The following CCSER1 variants were observed in gnomAD, a reference collection of about 807,000 sequenced individuals.
CCSER1 encodes the protein serine-rich coiled-coil domain-containing protein 1.
Under a neutral mutation model 82.0 loss-of-function variants are expected in CCSER1, and 41 were observed. The ratio of observed to expected loss-of-function variants is 0.50; its 90% CI spans 0.39 to 0.65. The LOEUF is 0.65. Ranked by LOEUF, CCSER1 falls within the 30% of genes least tolerant of loss-of-function variation. The pLI is 0.00. For synonymous variants in CCSER1, 414 were observed against 383.9 expected, an observed-to-expected ratio of 1.08 and a Z score of -0.92; for missense variants, 1,119 against 1,064.2, an observed-to-expected ratio of 1.05 and a Z score of -0.72.
intron 10 of CCSER1, among the ~76,000 whole-genome samples, chr4:91,144,928 C>T (rs781621915): frequency 7.2e-5 from 11 of 151,868 alleles, no homozygotes; most frequent in Non-Finnish European, 1.2e-4. Flanking sequence ...TGAGAACATA[C>T]ATTGTTTGAT....
chr4:90,480,646 A>C (rs1765796549), intron 5 of CCSER1, among the ~76,000 whole-genome samples: 1 of 152,110 alleles, frequency 6.6e-6, no homozygotes, highest in African/African-American at 2.4e-5. Context: ...TCCTTTCCCC[A>C]TTGCTTGTTT....
intron 1 of CCSER1, among the ~76,000 whole-genome samples, chr4:90,249,582 G>T (rs942426139): frequency 1.3e-5 from 2 of 152,024 alleles, no homozygotes; most frequent in Non-Finnish European, 2.9e-5. Flanking sequence ...CATATAAATA[G>T]AACATACAAT....
intron 10 of CCSER1, among the ~76,000 whole-genome samples, chr4:91,492,591 C>A (rs914528639): frequency 6.6e-6 from 1 of 152,062 alleles, no homozygotes; most frequent in Non-Finnish European, 1.5e-5. Flanking sequence ...TCCATGCTTT[C>A]AGTTGATGTC....
intron 10 of CCSER1, among the ~76,000 whole-genome samples, chr4:91,178,486 G>A (rs1372801595): frequency 6.6e-6 from 1 of 152,108 alleles, no homozygotes; most frequent in African/African-American, 2.4e-5. Context: ...ATGAATCTGG[G>A]TGCTCCTGTA....
intron 10 of CCSER1, among the ~76,000 whole-genome samples, chr4:91,361,613 G>T (rs770235880): frequency 9.2e-5 from 14 of 151,752 alleles, no homozygotes; most frequent in Non-Finnish European, 2.1e-4. Flanking sequence ...TTCAAAGAGT[G>T]GAGGGAGAGA....
intron 8 of CCSER1, among the ~76,000 whole-genome samples, chr4:90,862,907 C>CTTTTT (rs548953621): frequency 8.2e-6 from 1 of 122,122 alleles, no homozygotes; most frequent in Non-Finnish European, 1.7e-5. Context: ...TATTTTTTGT[C>CTTTTT]TTTTTTTTTT....
intron 9 of CCSER1, among the ~76,000 whole-genome samples, chr4:91,083,880 A>G (rs1723080514): frequency 6.6e-6 from 1 of 152,182 alleles, no homozygotes; most frequent in South Asian, 2.1e-4. Context: ...AAGTCATTTA[A>G]TATATAATTT....
chr4:90,630,986 C>T (rs1042833154), intron 6 of CCSER1, among the ~76,000 whole-genome samples: 6 of 151,596 alleles, frequency 4.0e-5, no homozygotes, highest in East Asian at 1.9e-4. Flanking sequence ...CTCCGCCTCC[C>T]GGGTTCACGC....
intron 1 of CCSER1, among the ~76,000 whole-genome samples, chr4:90,131,039 C>T (rs990248385): frequency 2.0e-5 from 3 of 152,012 alleles, no homozygotes; most frequent in African/African-American, 7.3e-5. Flanking sequence ...TTCTTGTCGC[C>T]CAGGCTGGAG....
intron 10 of CCSER1, among the ~76,000 whole-genome samples, chr4:91,456,414 G>A (rs940440798): frequency 1.3e-5 from 2 of 151,974 alleles, no homozygotes; most frequent in South Asian, 4.1e-4. Flanking sequence ...GTAGGCAGAT[G>A]GAACAGAAAA....
chr4:90,666,104 A>G (rs981281325), intron 6 of CCSER1, among the ~76,000 whole-genome samples: 2 of 151,908 alleles, frequency 1.3e-5, no homozygotes, highest in Non-Finnish European at 2.9e-5. Flanking sequence ...TTCACCTATC[A>G]TATCTGCCTG....
chr4:90,174,442 C>T (rs114989173), intron 1 of CCSER1, among the ~76,000 whole-genome samples: 2,634 of 151,902 alleles, frequency 0.017, 64 homozygotes, highest in African/African-American at 0.047. Context: ...AACAATGGAT[C>T]GTAAAAATTG....
At chr4:90,341,123 T>C (rs1235359939) in intron 3 of CCSER1, among the ~76,000 whole-genome samples, 1 of 152,106 alleles carries the variant, frequency 6.6e-6, no homozygotes, top group African/African-American at 2.4e-5. Context: ...ATAGAATTAA[T>C]AATTTTGCAC....
At chr4:90,836,148 A>G (rs1426252241) in intron 8 of CCSER1, among the ~76,000 whole-genome samples, 1 of 152,154 alleles carries the variant, frequency 6.6e-6, no homozygotes, top group Non-Finnish European at 1.5e-5. Context: ...TTAGGTACAA[A>G]TAAAGTTGAC....
chr4:91,285,326 A>G (rs975395127), intron 10 of CCSER1, among the ~76,000 whole-genome samples: 1 of 150,888 alleles, frequency 6.6e-6, no homozygotes, highest in Non-Finnish European at 1.5e-5. Context: ...CATTGAATAT[A>G]GGAAATGCTG....
chr4:90,397,448 G>T (rs1752135133), intron 3 of CCSER1, among the ~76,000 whole-genome samples: 1 of 152,098 alleles, frequency 6.6e-6, no homozygotes, highest in South Asian at 2.1e-4. Context: ...ATTCAAAAAA[G>T]GATTGAACAA....
chr4:90,834,839 G>C (rs1337357404), intron 8 of CCSER1, among the ~76,000 whole-genome samples: 1 of 152,034 alleles, frequency 6.6e-6, no homozygotes, highest in Non-Finnish European at 1.5e-5. Context: ...TTCTTTTCTC[G>C]TACAGAATAC....
chr4:90,648,279 A>AG (rs1727987023), intron 6 of CCSER1, among the ~76,000 whole-genome samples: 2 of 122,188 alleles, frequency 1.6e-5, no homozygotes, highest in African/African-American at 6.0e-5. Context: ...AGAGAGAGAA[A>AG]GAAAGGAAAG....
intron 3 of CCSER1, among the ~76,000 whole-genome samples, chr4:90,375,053 C>T (rs959651317): frequency 6.6e-6 from 1 of 152,100 alleles, no homozygotes. Context: ...GAAGATTGGC[C>T]ATGAAGTGCA....
Sources: allele counts gnomAD v4.1 joint callset (sites outside exome capture counted in the v4.1 genomes callset), GRCh38; gene constraint gnomAD v4.1.1; transcripts MANE v1.5; gene names NCBI Gene and HGNC (gene_info 2026-07-23, HGNC 2026-07-21).